SMARCAD1: variants seen among roughly 807,000 people sequenced by gnomAD.
SMARCAD1 encodes SWI/SNF-related matrix-associated actin-dependent regulator of chromatin subfamily A containing DEAD/H box 1.
In SMARCAD1, 25 loss-of-function variants were observed where a neutral mutation model predicts 127.1. That is an observed-to-expected ratio of 0.20 (90% CI 0.14 to 0.27). The LOEUF (loss-of-function observed/expected upper bound fraction) is 0.27. SMARCAD1 is among the 10% of genes least tolerant of loss of function. SMARCAD1 has a pLI of 1.00. For synonymous variants in SMARCAD1, 400 were observed against 396.9 expected (o/e 1.01, Z -0.09); for missense variants, 807 against 1,206.0 (o/e 0.67, Z 4.90).
At chr4:94,227,216 A>G (rs1560520065) in intron 3 of SMARCAD1, among the ~76,000 whole-genome samples, 1 of 152,154 alleles carries the variant, frequency 6.6e-6, no homozygotes, top group Non-Finnish European at 1.5e-5. Flanking sequence ...TGGGAGGGAC[A>G]TGATGCGGAG....
At chr4:94,273,904 CTT>C (rs1330500018) in intron 12 of SMARCAD1, among the ~76,000 whole-genome samples, 188 bp downstream of exon 12, 1 of 152,082 alleles carries the variant, frequency 6.6e-6, no homozygotes, top group Non-Finnish European at 1.5e-5. Context: ...TATTGGCAGT[CTT>C]TTAAAAAGAA....
At chr4:94,237,101 T>C in intron 5 of SMARCAD1, 83 bp downstream of exon 5, 1 of 1,084,784 alleles carries the variant, frequency 9.2e-7, no homozygotes, top group Non-Finnish European at 1.4e-6. Context: ...TGCTCCACAG[T>C]TTATCAAACA....
chr4:94,253,527 C>G, intron 9 of SMARCAD1: 1 of 1,127,904 alleles, frequency 8.9e-7, no homozygotes, highest in South Asian at 2.1e-5. Flanking sequence ...AAAGTAACAG[C>G]TCAGTCTCTA....
upstream of SMARCAD1, chr4:94,207,849 C>G (rs1741429748): frequency 3.0e-6 from 1 of 337,520 alleles, no homozygotes; most frequent in Non-Finnish European, 5.8e-6. Flanking sequence ...AGCTTCCTCT[C>G]AGCTGGGATC....
intron 3 of SMARCAD1, among the ~76,000 whole-genome samples, chr4:94,233,616 TAG>T (rs985247427): frequency 6.6e-6 from 1 of 152,134 alleles, no homozygotes; most frequent in African/African-American, 2.4e-5. Context: ...TCGTCTGACA[TAG>T]AGAGTATTGG....
chr4:94,275,796 C>CTTTTATTTTTTTT (rs1553920714), intron 14 of SMARCAD1, among the ~76,000 whole-genome samples: 12 of 85,400 alleles, frequency 1.4e-4, no homozygotes, highest in African/African-American at 4.1e-4. Context: ...TTAACATTTT[C>CTTTTATTTTTTTT]TTTTTTTTTT....
intron 3 of SMARCAD1, among the ~76,000 whole-genome samples, chr4:94,231,875 C>G (rs1291697817): frequency 6.6e-6 from 1 of 151,736 alleles, no homozygotes; most frequent in Middle Eastern, 3.2e-3. Flanking sequence ...TTTCCTTTTT[C>G]TTTTTAGACA....
intron 10 of SMARCAD1, among the ~76,000 whole-genome samples, chr4:94,266,721 A>G (rs1429908536): frequency 2.6e-5 from 4 of 152,144 alleles, no homozygotes; most frequent in Non-Finnish European, 4.4e-5. Context: ...TGAATAACCT[A>G]TCATGCTTGC....
At chr4:94,265,696 A>G (rs1751640577) in intron 10 of SMARCAD1, among the ~76,000 whole-genome samples, 2 of 151,950 alleles carry the variant, frequency 1.3e-5, no homozygotes, top group Non-Finnish European at 2.9e-5. Flanking sequence ...TTTTAAAAAA[A>G]ATAATATAAA....
intron 6 of SMARCAD1, among the ~76,000 whole-genome samples, chr4:94,246,389 G>A (rs1579175442): frequency 6.6e-6 from 1 of 152,120 alleles, no homozygotes; most frequent in Non-Finnish European, 1.5e-5. Context: ...AGAGTGCTGG[G>A]ATTACAAGCG....
chr4:94,236,112 C>CTAAGAA (rs1362045907), intron 4 of SMARCAD1, among the ~76,000 whole-genome samples: 1 of 152,018 alleles, frequency 6.6e-6, no homozygotes, highest in African/African-American at 2.4e-5. Context: ...TATGCTTTGG[C>CTAAGAA]TATTTTGAAA....
chr4:94,261,703 G>C (rs557071930), intron 9 of SMARCAD1, among the ~76,000 whole-genome samples: 1 of 152,072 alleles, frequency 6.6e-6, no homozygotes, highest in African/African-American at 2.4e-5. Flanking sequence ...TCTGACTCCC[G>C]GGCTCAAGCC....
At chr4:94,212,892 A>C in intron 2 of SMARCAD1, 2 of 403,350 alleles carry the variant, frequency 5.0e-6, no homozygotes, top group Non-Finnish European at 9.5e-6. Context: ...TGCCCCTCTA[A>C]ATCCCAGCCA....
intron 2 of SMARCAD1, among the ~76,000 whole-genome samples, chr4:94,216,317 T>TG (rs1579004140): frequency 6.6e-6 from 1 of 152,174 alleles, no homozygotes; most frequent in East Asian, 1.9e-4. Flanking sequence ...CCCCCTTTGT[T>TG]GTTTGCCATA....
At position 94,287,479 on chromosome 4, in the gene SMARCAD1, T is replaced by G. The variant is rs9917887; in HGVS notation, c.3020-1994T>G. ...GACCATGATTCCTCTCAAATATGCT[T>G]ATCAGATTTTTGTGTTCCTAGAGCT... On this transcript the variant is annotated intron_variant, in intron 23 of 23. Transcript: ENST00000354268. Among the ~76,000 whole-genome samples, 1,384 of 152,310 alleles carry G rather than the reference T, an allele frequency of 9.1e-3. 24 individuals carry two copies. The highest frequency in any genetic ancestry group is 0.031 in the African/African-American group (1,288 of 41,564).
Position 94,278,745 on chromosome 4 carries a change from T to G in SMARCAD1, c.2296+12T>G. ...TATCAATAACTTGGGTATAATCTGA[T>G]TTTTACTCTTTTATGTGAAAAAGAA... On this transcript the variant is annotated intron_variant, in intron 18 of 23. Coordinates refer to ENST00000354268, the MANE Select transcript of SMARCAD1 (RefSeq NM_020159.5). 6.2e-7 allele frequency: 1 copy of G among 1,611,234 alleles called. No homozygotes were observed. Among genetic ancestry groups the G allele is most frequent in the Non-Finnish European group, 8.5e-7 (1 of 1,177,400 alleles).
At chr4:94,235,821 G>T (rs2125866164) in intron 4 of SMARCAD1, among the ~76,000 whole-genome samples, 1 of 151,958 alleles carries the variant, frequency 6.6e-6, no homozygotes, top group Admixed American at 6.5e-5. Context: ...ATGTAGTTCA[G>T]AGTTTTTTTC....
chr4:94,268,841 A>G (rs1053148688), intron 10 of SMARCAD1, among the ~76,000 whole-genome samples: 3 of 152,228 alleles, frequency 2.0e-5, no homozygotes, highest in Non-Finnish European at 2.9e-5. Context: ...GAAATATGGT[A>G]AATATTCCAG....
At chr4:94,237,927 A>G (rs563316702) in intron 5 of SMARCAD1, among the ~76,000 whole-genome samples, 4 of 152,264 alleles carry the variant, frequency 2.6e-5, no homozygotes, top group Non-Finnish European at 5.9e-5. Context: ...TTAAATTTTA[A>G]TATGTATTTC....
Sources: allele counts gnomAD v4.1 joint callset (sites outside exome capture counted in the v4.1 genomes callset), GRCh38; gene constraint gnomAD v4.1.1; transcripts MANE v1.5; gene names NCBI Gene and HGNC (gene_info 2026-07-23, HGNC 2026-07-21).